Variants in ZDHHC14 observed in about 807,000 individuals in gnomAD.
ZDHHC14 encodes palmitoyltransferase ZDHHC14.
A neutral mutation model predicts 47.7 loss-of-function variants in ZDHHC14; 16 were observed. That is an observed-to-expected ratio of 0.34 (90% CI 0.23 to 0.51). ZDHHC14 has a LOEUF of 0.51. Ranked by LOEUF, ZDHHC14 falls within the 20% of genes least tolerant of loss-of-function variation. ZDHHC14 has a pLI of 0.97. For missense variants in ZDHHC14, 515 were observed against 662.5 expected (o/e 0.78, Z 2.44); for synonymous variants, 293 against 278.9 (o/e 1.05, Z -0.50).
At chr6:157,598,273 T>A (rs1473070409) in intron 3 of ZDHHC14, among the ~76,000 whole-genome samples, 1 of 152,120 alleles carries the variant, frequency 6.6e-6, no homozygotes, top group Non-Finnish European at 1.5e-5. Context: ...ACTATTTGGG[T>A]ATGATGAGGG....
In ZDHHC14 at chr6:157,421,511, A is replaced by T. The variant is rs1457051181; in HGVS notation, c.245+39245A>T. Among the ~76,000 whole-genome samples the T allele has an allele frequency of 9.9e-5, 15 of 151,576 alleles. 1 individual carries two copies. The South Asian group carries it at 3.1e-3, about 32-fold the overall frequency. On this transcript the variant is annotated intron_variant, in intron 1 of 8. Transcript: ENST00000359775. ...CCGTCTCAAAAAAAAAAAAAAAAAA[A>T]AAAAAAGATAAAAGCAAACTGCTCA...
At chr6:157,447,999 G>A (rs796081607) in intron 1 of ZDHHC14, among the ~76,000 whole-genome samples, 11 of 152,118 alleles carry the variant, frequency 7.2e-5, no homozygotes, top group African/African-American at 2.7e-4. Flanking sequence ...AGCCTTCTGA[G>A]TAGCTAGGAC....
At chr6:157,653,649 C>T in intron 8 of ZDHHC14, 22 bp downstream of exon 8, 1 of 1,597,324 alleles carries the variant, frequency 6.3e-7, no homozygotes, top group South Asian at 1.1e-5. Flanking sequence ...GGCCACTGCT[C>T]CCTGCGAGGG....
rs1778950775 is a variant in ZDHHC14 at position 157,675,186 on chromosome 6, A to C, written c.*2064A>C. ...TGACCGCGAATCCGGCTTAGCCCTCACTCCGGTCCCACGTGTGGCCCAGTC... is the reference window on the plus strand; with the variant it reads ...TGACCGCGAATCCGGCTTAGCCCTCCCTCCGGTCCCACGTGTGGCCCAGTC... On this transcript the variant is annotated 3_prime_UTR_variant, in exon 9 of 9. Coordinates refer to ENST00000359775, the MANE Select transcript of ZDHHC14 (RefSeq NM_024630.3). The C allele has an allele frequency of 6.6e-6, 1 of 152,068 alleles. No individual in the cohort carries two copies. Among genetic ancestry groups the C allele is most frequent in the Admixed American group, 6.6e-5 (1 of 15,258 alleles). The allele number at this position is 152,068 out of a possible 1,614,324, so 9.4% of individuals were successfully genotyped here. A position where few individuals can be genotyped will look rare whatever the true frequency, so the allele number is the denominator to read the frequency against.
chr6:157,488,381 G>A (rs1779832862), intron 1 of ZDHHC14, among the ~76,000 whole-genome samples: 2 of 152,186 alleles, frequency 1.3e-5, no homozygotes. Context: ...GGGAGTCCTT[G>A]CATCTGAAAT....
intron 1 of ZDHHC14, among the ~76,000 whole-genome samples, chr6:157,537,415 T>C (rs1781582697): frequency 6.6e-6 from 1 of 152,250 alleles, no homozygotes; most frequent in Admixed American, 6.5e-5. Flanking sequence ...TATCATCATA[T>C]CCAAAATCAA....
intron 8 of ZDHHC14, among the ~76,000 whole-genome samples, chr6:157,670,930 C>G (rs1036420928): frequency 3.3e-5 from 5 of 152,164 alleles, no homozygotes; most frequent in African/African-American, 4.8e-5. Flanking sequence ...AGAAAGAAAC[C>G]CATGAGGCTG....
intron 2 of ZDHHC14, among the ~76,000 whole-genome samples, chr6:157,573,829 G>A (rs1783192595): frequency 6.6e-6 from 1 of 152,108 alleles, no homozygotes; most frequent in South Asian, 2.1e-4. Context: ...GCCCCAGGAT[G>A]TCCCTGCCAG....
intron 1 of ZDHHC14, among the ~76,000 whole-genome samples, chr6:157,500,403 C>T (rs1048534106): frequency 2.6e-5 from 4 of 152,036 alleles, no homozygotes; most frequent in African/African-American, 4.8e-5. Context: ...CTTAGTATAA[C>T]TGGAAGTCAT....
At chr6:157,537,841 C>A (rs1329191041) in intron 1 of ZDHHC14, among the ~76,000 whole-genome samples, 1 of 152,170 alleles carries the variant, frequency 6.6e-6, no homozygotes, top group Non-Finnish European at 1.5e-5. Context: ...CCATACTGTG[C>A]ACAGTGCTTC....
chr6:157,673,329 A>C lies in ZDHHC14; in HGVS notation c.*207A>C. The C allele has an allele frequency of 1.6e-6, 1 of 615,790 alleles. No homozygotes were observed. The highest frequency in any genetic ancestry group is 2.6e-6 in the Non-Finnish European group (1 of 382,332). The allele number at this position is 615,790 out of a possible 1,614,324, so 38.1% of individuals were successfully genotyped here. A position where few individuals can be genotyped will look rare whatever the true frequency, so the allele number is the denominator to read the frequency against. ...TGGTTTCATTTGAATTTTCTTCCCC[A>C]ACCTGAGTGCTTTGACAACAATGGA... On this transcript the variant is annotated 3_prime_UTR_variant, in exon 9 of 9. Transcript: ENST00000359775. The surrounding 1 kb of genome is among the most constrained non-coding windows in gnomAD (Gnocchi z 5.4).
intron 4 of ZDHHC14, chr6:157,630,881 C>T (rs1317113393): frequency 1.4e-5 from 2 of 141,532 alleles, no homozygotes; most frequent in African/African-American, 2.7e-5. Context: ...CATAGCCTTA[C>T]ACACACATCC....
In ZDHHC14 at chr6:157,381,647, G is replaced by C. The variant is rs1199601250; in HGVS notation, c.-375G>C. On this transcript the variant is annotated 5_prime_UTR_variant, in exon 1 of 9. Coordinates refer to ENST00000359775, the MANE Select transcript of ZDHHC14 (RefSeq NM_024630.3). ...GGGGTCGGCGGGCCAGAGCCGAGGCGCGGCCGGGGAGCCGGGGGCTGCGGG... is the reference window on the plus strand; with the variant it reads ...GGGGTCGGCGGGCCAGAGCCGAGGCCCGGCCGGGGAGCCGGGGGCTGCGGG... The C allele has an allele frequency of 6.3e-6, 1 of 159,666 alleles. No individual in the cohort carries two copies. Among genetic ancestry groups the C allele is most frequent in the African/African-American group, 2.4e-5 (1 of 40,926 alleles). 9.9% of individuals were successfully genotyped at this position (159,666 alleles called of 1,614,324 possible). A position where few individuals can be genotyped will look rare whatever the true frequency, so the allele number is the denominator to read the frequency against.
At chr6:157,665,458 G>A (rs1253677768) in intron 8 of ZDHHC14, among the ~76,000 whole-genome samples, 3 of 152,192 alleles carry the variant, frequency 2.0e-5, no homozygotes, top group Non-Finnish European at 4.4e-5. Context: ...ATTTGCAGAG[G>A]AGAGAAAGGC....
intron 1 of ZDHHC14, among the ~76,000 whole-genome samples, chr6:157,468,225 C>T (rs1267436893): frequency 6.6e-6 from 1 of 152,204 alleles, no homozygotes; most frequent in Non-Finnish European, 1.5e-5. Flanking sequence ...CAAAGTTTGG[C>T]TTCCATCAGC....
intron 8 of ZDHHC14, among the ~76,000 whole-genome samples, chr6:157,668,223 T>C (rs1583101941): frequency 2.0e-5 from 3 of 152,218 alleles, no homozygotes; most frequent in Admixed American, 1.3e-4. Flanking sequence ...ACAAAAGCAG[T>C]CCCTCTATCA....
intron 1 of ZDHHC14, among the ~76,000 whole-genome samples, chr6:157,432,145 C>T (rs1485068051): frequency 6.6e-6 from 1 of 152,202 alleles, no homozygotes; most frequent in Non-Finnish European, 1.5e-5. Context: ...GTGCAGAGTT[C>T]ACCTCCAGTT....
intron 2 of ZDHHC14, among the ~76,000 whole-genome samples, chr6:157,566,048 A>C (rs1305349997): frequency 6.6e-6 from 1 of 152,194 alleles, no homozygotes; most frequent in African/African-American, 2.4e-5. Flanking sequence ...GGCAGATGAA[A>C]GAATGCAATT....
At chr6:157,632,556 A>G in intron 4 of ZDHHC14, 2 of 487,896 alleles carry the variant, frequency 4.1e-6, no homozygotes, top group East Asian at 3.3e-5. Context: ...CAAAGGAGTC[A>G]TCAGAACTAT....
Sources: gnomAD v4.1 joint callset for allele counts (sites outside exome capture counted in the v4.1 genomes callset) on GRCh38, gnomAD v4.1.1 for gene constraint, Gnocchi (gnomAD v3.1) non-coding constraint, MANE v1.5 for transcripts, NCBI Gene and HGNC (gene_info 2026-07-23, HGNC 2026-07-21) for gene names.